Variants in OBSL1 observed in about 807,000 individuals in gnomAD.
OBSL1 encodes obscurin like cytoskeletal adaptor 1.
A neutral mutation model predicts 172.0 loss-of-function variants in OBSL1; 160 were observed. The observed-to-expected ratio is 0.93, with a 90% CI of 0.82 to 1.06. OBSL1 has a LOEUF of 1.06. OBSL1 is among the 50% of genes least tolerant of loss of function. The pLI is 0.00. For synonymous variants in OBSL1, 1,200 were observed against 1,196.3 expected (o/e 1.00, Z -0.06); for missense variants, 2,681 against 2,715.4 (o/e 0.99, Z 0.28).
At position 219,562,459 on chromosome 2, in the gene OBSL1, C is replaced by T. The variant is rs374693718; in HGVS notation, c.2896G>A (p.Gly966Ser). 46 of 1,613,884 alleles carry T rather than the reference C, an allele frequency of 2.9e-5. No homozygotes were observed. Among genetic ancestry groups the T allele is most frequent in the East Asian group, 1.1e-4 (5 of 44,894 alleles). The change falls in exon 8 of 21, where the codon GGC becomes AGC. Residue 966 changes from glycine to serine, a missense_variant. By Grantham distance (56) the Gly-to-Ser change is moderately conservative (BLOSUM62 0). This residue lies in a region of OBSL1 where 1,765 missense variants were observed against 1,748.3 expected (regional missense o/e 1.01). Transcript: ENST00000404537. ...VLPAVQLEDS[G>S]EYLCEIDDES... is the part of the protein sequence containing the mutation. ...TCGTCAATTTCACACAAGTACTCGC[C>T]GGAGTCCTCGAGCTGGACAGCGGGC...
chr2:219,557,887 G>A lies in OBSL1; in HGVS notation c.3726C>T (p.Leu1242=). The A allele has an allele frequency of 1.2e-6, 2 of 1,601,518 alleles. No homozygotes were observed. The highest frequency in any genetic ancestry group is 1.7e-6 in the Non-Finnish European group (2 of 1,179,690). ...GGGCTGCTCCAGACTGGCAGGTGTA[G>A]AGCCCTGCATGGGCTGGGCCTGCAG... ...IQAAGPAHAG[L]YTCQSGAAPG... is the part of the protein sequence containing the mutation. Residue 1242 remains leucine, a synonymous_variant, in exon 11 of 21, where the codon CTC becomes CTT. Coordinates refer to ENST00000404537, the MANE Select transcript of OBSL1 (RefSeq NM_015311.3).
At chr2:219,570,172 C>T (rs1697229343) in intron 1 of OBSL1, 49 bp downstream of exon 1, 1 of 1,447,114 alleles carries the variant, frequency 6.9e-7, no homozygotes, top group South Asian at 1.5e-5. Context: ...GTTCGGAGGG[C>T]CTCGGAGGAC....
In OBSL1 at chr2:219,563,350, C is replaced by A. The variant is rs759959354; in HGVS notation, c.2680+5G>T. On this transcript the variant is annotated splice_donor_5th_base_variant and intron_variant, in intron 7 of 20. Coordinates refer to ENST00000404537, the MANE Select transcript of OBSL1 (RefSeq NM_015311.3). ...TGTGCCTCCGAGGCCCACCTGGCCC[C>A]CCACCTGTGATGGTGACAGTGAAGT... is the stretch of plus-strand genomic sequence containing the variant. The A allele has an allele frequency of 1.3e-6, 2 of 1,557,628 alleles. No individual in the cohort carries two copies. The highest frequency in any genetic ancestry group is 1.2e-5 in the South Asian group (1 of 81,832).
rs377679865 is a variant in OBSL1, at chr2:219,562,497, C to T, written c.2858G>A (p.Arg953His). 52 of 1,613,888 alleles carry T rather than the reference C, an allele frequency of 3.2e-5. No homozygotes were observed. The highest frequency in any genetic ancestry group is 4.2e-5 in the Non-Finnish European group (50 of 1,179,884). The change falls in exon 8 of 21, where the codon CGC (arginine) becomes CAC (histidine). Residue 953 changes from arginine to histidine, a missense_variant. By Grantham distance (29) the Arg-to-His change is conservative (BLOSUM62 0). Transcript: ENST00000404537. ...ALLLQKEDTV[R>H]RLVLPAVQLE... Reference sequence around the variant, plus strand: ...CTGGACAGCGGGCAGCACCAGGCGGCGGACAGTGTCTTCCTTCTGCAGGAG... The same window carrying T: ...CTGGACAGCGGGCAGCACCAGGCGGTGGACAGTGTCTTCCTTCTGCAGGAG...
At position 219,555,854 on chromosome 2, in the gene OBSL1, TAGAAAA is replaced by T. The variant is rs1348414222; in HGVS notation, c.4609+160_4609+165del. On this transcript the variant is annotated intron_variant, in intron 14 of 20. Coordinates refer to ENST00000404537, the MANE Select transcript of OBSL1 (RefSeq NM_015311.3). ...GACTTCTAAGGTAAATAAAAAATATTAGAAAAAGAAAAGTTTTGCTTTGGGCAAGCT... is the reference window on the plus strand; with the variant it reads ...GACTTCTAAGGTAAATAAAAAATATTAGAAAAGTTTTGCTTTGGGCAAGCT... The T allele has an allele frequency of 2.8e-6, 4 of 1,429,310 alleles. No homozygotes were observed. The African/African-American group carries it at 4.3e-5, about 15-fold the overall frequency. 88.5% of individuals were successfully genotyped at this position (1,429,310 alleles called of 1,614,324 possible).
chr2:219,559,707 T>C (rs1696319326), intron 8 of OBSL1: 1 of 552,128 alleles, frequency 1.8e-6, no homozygotes, highest in Non-Finnish European at 3.2e-6. Context: ...CCAGAAATGA[T>C]GCGTTTCTCA....
At position 219,571,366 on chromosome 2, in the gene OBSL1, G is replaced by A. The variant is rs979511505; in HGVS notation, c.-134C>T. 2 of 488,170 alleles carry A rather than the reference G, an allele frequency of 4.1e-6. No homozygotes were observed. The highest frequency in any genetic ancestry group is 6.3e-6 in the Non-Finnish European group (2 of 319,796). 30.2% of individuals were successfully genotyped at this position (488,170 alleles called of 1,614,324 possible). ...GCGGGGACCCGCGGAGCTCTCCCGG[G>A]CCTCCCGCTCCCGGCTCGCCTCCTT... On this transcript the variant is annotated 5_prime_UTR_variant, in exon 1 of 21. Coordinates refer to ENST00000404537, the MANE Select transcript of OBSL1 (RefSeq NM_015311.3).
Position 219,557,869 on chromosome 2 carries a change from T to G in OBSL1, c.3744A>C (p.Gly1248=). ...TGAGGCTTGGGGCTCCGGGGGCTGCTCCAGACTGGCAGGTGTAGAGCCCTG... is the reference window on the plus strand; with the variant it reads ...TGAGGCTTGGGGCTCCGGGGGCTGCGCCAGACTGGCAGGTGTAGAGCCCTG... The part of the protein sequence containing the change: ...AHAGLYTCQS[G]AAPGAPSLSF... Residue 1248 remains glycine, a synonymous_variant, in exon 11 of 21, where the codon GGA becomes GGC. Coordinates refer to ENST00000404537, the MANE Select transcript of OBSL1 (RefSeq NM_015311.3). 6.2e-7 allele frequency: 1 copy of G among 1,601,598 alleles called. No individual in the cohort carries two copies. Among genetic ancestry groups the G allele is most frequent in the Non-Finnish European group, 8.5e-7 (1 of 1,179,574 alleles).
At chr2:219,553,143 T>C in intron 16 of OBSL1, 119 bp from the exon 17 acceptor site, 1 of 1,302,600 alleles carries the variant, frequency 7.7e-7, no homozygotes, top group Non-Finnish European at 1.0e-6. Context: ...TTTATGCGTG[T>C]CTCGTGTTCC....
Position 219,557,379 on chromosome 2 carries a change from G to A in OBSL1, c.4030C>T (p.Pro1344Ser). ...ACAAGGAAGATGCGGCTGTCCTGGG[G>A]CGCATCGCACAGGTACTCCCCAGCG... ...GDAGEYLCDA[P>S]QDSRIFLVSV... The change falls in exon 12 of 21, where the codon CCC becomes TCC. Residue 1344 changes from proline (P) to serine (S), a missense_variant. This residue lies in a region of OBSL1 where 1,765 missense variants were observed against 1,748.3 expected (regional missense o/e 1.01). Coordinates refer to ENST00000404537, the MANE Select transcript of OBSL1 (RefSeq NM_015311.3). 1 of 1,531,162 alleles carries A rather than the reference G, an allele frequency of 6.5e-7. No homozygotes were observed. Among genetic ancestry groups the A allele is most frequent in the Non-Finnish European group, 8.8e-7 (1 of 1,135,766 alleles). The allele number at this position is 1,531,162 out of a possible 1,614,324, so 94.8% of individuals were successfully genotyped here.
At chr2:219,553,224 T>C (rs1695763358) in intron 16 of OBSL1, among the ~76,000 whole-genome samples, 200 bp from the exon 17 acceptor site, 2 of 152,108 alleles carry the variant, frequency 1.3e-5, no homozygotes, top group Non-Finnish European at 2.9e-5. Flanking sequence ...GCGTCACCCT[T>C]TGGGGACCTT....
downstream of OBSL1, chr2:219,547,374 A>C: frequency 1.8e-5 from 12 of 656,874 alleles, no homozygotes; most frequent in Non-Finnish European, 2.3e-5. Flanking sequence ...GACTCCAGTG[A>C]CCCTCAATTC....
intron 1 of OBSL1, among the ~76,000 whole-genome samples, chr2:219,569,755 A>G (rs183053427): frequency 5.9e-5 from 9 of 152,318 alleles, no homozygotes; most frequent in Admixed American, 4.6e-4. Flanking sequence ...CCTGTATTCA[A>G]TAAAATAGCC....
At chr2:219,554,919 G>C in intron 14 of OBSL1, 179 bp from the exon 15 acceptor site, 2 of 645,180 alleles carry the variant, frequency 3.1e-6, no homozygotes, top group South Asian at 4.3e-5. Context: ...TTTGGCGGGG[G>C]GAGGGCTGTA....
Position 219,571,116 on chromosome 2 carries a change from C to A in OBSL1, c.117G>T (p.Pro39=). 1.4e-6 allele frequency: 2 copies of A among 1,468,706 alleles called. No individual in the cohort carries two copies. The highest frequency in any genetic ancestry group is 1.3e-5 in the South Asian group (1 of 76,156). 91.0% of individuals were successfully genotyped at this position (1,468,706 alleles called of 1,614,324 possible). Residue 39 remains proline (P), a synonymous_variant, in exon 1 of 21, where the codon CCG becomes CCT. Coordinates refer to ENST00000404537, the MANE Select transcript of OBSL1 (RefSeq NM_015311.3). ...CCTTCTCCCACACCACTACAGGCGG[C>A]GGCTCCCCCAGGACCACGCACTTGA... The part of the protein sequence containing the change: ...AELKCVVLGE[P]PPVVVWEKGG...
Position 219,556,435 on chromosome 2 carries a change from A to T in OBSL1, c.4336+19T>A, listed in dbSNP as rs765831345. 2 of 1,601,630 alleles carry T rather than the reference A, an allele frequency of 1.2e-6. No individual in the cohort carries two copies. The highest frequency in any genetic ancestry group is 1.7e-4 in the Middle Eastern group (1 of 6,038). On this transcript the variant is annotated intron_variant, in intron 13 of 20. Coordinates refer to ENST00000404537, the MANE Select transcript of OBSL1 (RefSeq NM_015311.3). The stretch of plus-strand genomic sequence containing the variant: ...ACAGGCACGGGACACAGAGTATCTC[A>T]TCCTCATCAGGACCTAACCTCGAAC...
rs1696296975 is a variant in OBSL1 at position 219,559,419 on chromosome 2, C to T, written c.3032G>A (p.Cys1011Tyr). Residue 1011 changes from cysteine (C) to tyrosine (Y), a missense_variant, in exon 9 of 21, where the codon TGT (cysteine) becomes TAT (tyrosine). By Grantham distance (194) the Cys-to-Tyr change is radical (BLOSUM62 -2). Coordinates refer to ENST00000404537, the MANE Select transcript of OBSL1 (RefSeq NM_015311.3). ...AGGGGCATCCTCCCGAGACAGTTCA[C>T]ACATCAGCACCACACACTCCAAGGT... The part of the protein sequence containing the change: ...AVTLECVVLM[C>Y]ELSREDAPVR... 6.2e-7 allele frequency: 1 copy of T among 1,613,822 alleles called. No homozygotes were observed. Among genetic ancestry groups the T allele is most frequent in the African/African-American group, 1.3e-5 (1 of 74,898 alleles).
downstream of OBSL1, chr2:219,549,707 T>C (rs1180447188): frequency 1.2e-6 from 2 of 1,611,890 alleles, no homozygotes; most frequent in Non-Finnish European, 1.7e-6. Flanking sequence ...CTATGTTTGC[T>C]CCCCCACAGA....
downstream of OBSL1, chr2:219,547,693 C>T: frequency 6.4e-7 from 1 of 1,567,060 alleles, no homozygotes; most frequent in Non-Finnish European, 8.6e-7. Flanking sequence ...GCGTGGGCCT[C>T]TTCCTGGTGG....
Sources: gnomAD v4.1 joint callset for allele counts (sites outside exome capture counted in the v4.1 genomes callset) on GRCh38, gnomAD v4.1.1 for gene constraint, gnomAD v4.1.1 regional missense constraint, MANE v1.5 for transcripts, NCBI Gene and HGNC (gene_info 2026-07-23, HGNC 2026-07-21) for gene names.